The following ZC3H12B variants were observed in gnomAD, a reference collection of about 807,000 sequenced individuals.
ZC3H12B encodes the protein probable ribonuclease ZC3H12B.
Under a neutral mutation model 43.9 loss-of-function variants are expected in ZC3H12B, and 7 were observed. That is an observed-to-expected ratio of 0.16 (90% confidence interval 0.09 to 0.30). ZC3H12B has a LOEUF of 0.30. ZC3H12B is among the 10% of genes least tolerant of loss of function. ZC3H12B has a pLI of 1.00. For synonymous variants in ZC3H12B, 222 were observed against 241.7 expected, an observed-to-expected ratio of 0.92 and a Z score of 0.76; for missense variants, 475 against 670.2, an observed-to-expected ratio of 0.71 and a Z score of 3.22.
At chrX:65,043,961 C>T in the ZC3H12B span, among the ~76,000 whole-genome samples, 2 of 111,798 alleles carry the variant, frequency 1.8e-5, no homozygotes, top group East Asian at 5.6e-4. Flanking sequence ...TTGCTACATG[C>T]ACAGCCCTGT....
At chrX:65,495,939 T>A (rs2068272800) in intron 1 of ZC3H12B, among the ~76,000 whole-genome samples, 1 of 111,461 alleles carries the variant, frequency 9.0e-6, no homozygotes, top group African/African-American at 3.3e-5. Context: ...ATTCCTGGGC[T>A]CAAACAATTC....
chrX:65,419,767 C>G (rs1297110531), intron 3 of ZC3H12B, among the ~76,000 whole-genome samples: 1 of 110,352 alleles, frequency 9.1e-6, no homozygotes, highest in Non-Finnish European at 1.9e-5. Flanking sequence ...GATCTAGCTT[C>G]CAGGATAGCC....
chrX:65,129,935 G>GGTC, the ZC3H12B span, among the ~76,000 whole-genome samples: 33 of 111,056 alleles, frequency 3.0e-4, no homozygotes, highest in East Asian at 4.6e-3. Flanking sequence ...TATTGGTGAT[G>GGTC]GTCTGGATAT....
At chrX:65,400,816 T>C (rs1173947967) in intron 3 of ZC3H12B, among the ~76,000 whole-genome samples, 1 of 111,847 alleles carries the variant, frequency 8.9e-6, no homozygotes, top group African/African-American at 3.3e-5. Context: ...GATAATAATC[T>C]CTACCTGGTG....
upstream of ZC3H12B, among the ~76,000 whole-genome samples, chrX:65,364,371 C>G (rs1208020611): frequency 9.5e-6 from 1 of 104,962 alleles, no homozygotes; most frequent in Non-Finnish European, 1.9e-5. Context: ...TCATTAGTAT[C>G]TCTTTAATAA....
At chrX:65,449,042 G>GGAAGGAAA (rs1165039305) in intron 3 of ZC3H12B, among the ~76,000 whole-genome samples, 2 of 84,726 alleles carry the variant, frequency 2.4e-5, no homozygotes, top group African/African-American at 5.2e-5. Context: ...AAAGAAAGAA[G>GGAAGGAAA]GAAGGAAAGA....
the ZC3H12B span, among the ~76,000 whole-genome samples, chrX:65,056,198 A>G: frequency 2.3e-4 from 26 of 110,834 alleles, no homozygotes; most frequent in African/African-American, 9.9e-5. Context: ...TCAATTTTAG[A>G]TCTTTCCTGC....
chrX:65,096,610 A>G, the ZC3H12B span, among the ~76,000 whole-genome samples: 1 of 111,575 alleles, frequency 9.0e-6, no homozygotes, highest in Non-Finnish European at 1.9e-5. Context: ...ACTGAAAAGC[A>G]AAAAGAAGAA....
At chrX:65,096,226 T>TGGGGGGGGGGGGG in the ZC3H12B span, among the ~76,000 whole-genome samples, 1 of 29,684 alleles carries the variant, frequency 3.4e-5, no homozygotes, top group Non-Finnish European at 6.1e-5. Context: ...GGAGATGGGG[T>TGGGGGGGGGGGGG]GGGGGGAGGG....
At chrX:65,217,029 G>A in the ZC3H12B span, among the ~76,000 whole-genome samples, 2 of 111,496 alleles carry the variant, frequency 1.8e-5, no homozygotes, top group South Asian at 3.7e-4. Context: ...GAGCAACCCA[G>A]AGCAGTACCA....
chrX:65,437,033 G>A (rs1400608226), intron 3 of ZC3H12B, among the ~76,000 whole-genome samples: 1 of 110,130 alleles, frequency 9.1e-6, no homozygotes, highest in Non-Finnish European at 1.9e-5. Context: ...GCTCACTGCA[G>A]CCTCCACCTT....
At chrX:65,253,017 T>C in the ZC3H12B span, among the ~76,000 whole-genome samples, 1 of 112,304 alleles carries the variant, frequency 8.9e-6, no homozygotes, top group Admixed American at 9.4e-5. Context: ...ATTTTAATTT[T>C]TGTAGCAAGA....
chrX:65,265,856 G>T, the ZC3H12B span, among the ~76,000 whole-genome samples: 24 of 111,572 alleles, frequency 2.2e-4, no homozygotes, highest in Non-Finnish European at 5.7e-5. Flanking sequence ...TCAGATATTG[G>T]ACAACCAGCA....
intron 2 of ZC3H12B, among the ~76,000 whole-genome samples, chrX:65,386,556 G>A (rs2148020575): frequency 9.1e-6 from 1 of 110,300 alleles, no homozygotes; most frequent in East Asian, 2.8e-4. Flanking sequence ...TTTTAGTCTT[G>A]CTAGCAGTCT....
the ZC3H12B span, among the ~76,000 whole-genome samples, chrX:65,139,095 C>T: frequency 2.7e-5 from 3 of 112,240 alleles, no homozygotes; most frequent in African/African-American, 9.7e-5. Context: ...TTTAGTTTGA[C>T]ATAGTTTCAT....
the ZC3H12B span, among the ~76,000 whole-genome samples, chrX:65,190,831 C>G: frequency 2.8e-5 from 3 of 105,399 alleles, no homozygotes; most frequent in East Asian, 8.9e-4. Flanking sequence ...ACTTCCAACA[C>G]TATGTTGAAT....
the ZC3H12B span, among the ~76,000 whole-genome samples, chrX:65,127,404 G>T: frequency 8.9e-6 from 1 of 111,999 alleles, no homozygotes; most frequent in Non-Finnish European, 1.9e-5. Context: ...AGTGGAGGTA[G>T]CAGGAGAGTG....
In ZC3H12B at chrX:65,373,971, G is replaced by GTATATATATATAGT. The variant is rs1556058082; in HGVS notation, n.295+4985_295+4986insGTTATATATATATA. 1.8e-3 allele frequency among the ~76,000 whole-genome samples: 73 copies of GTATATATATATAGT among 41,333 alleles called. 3 individuals carry two copies. The highest frequency in any genetic ancestry group is 0.017 in the African/African-American group (71 of 4,165). The allele number at this position is 41,333 out of a possible 115,157, so 35.9% of individuals were successfully genotyped here. On this transcript the variant is annotated intron_variant and non_coding_transcript_variant, in intron 2 of 5. Transcript: ENST00000617377. ...GTTATATATATATACTGTATATATA[G>GTATATATATATAGT]TATATATATATACTATATATATATA...
At chrX:65,262,616 G>A in the ZC3H12B span, among the ~76,000 whole-genome samples, 1 of 110,338 alleles carries the variant, frequency 9.1e-6, no homozygotes, top group Admixed American at 9.7e-5. Context: ...AAACTATGTA[G>A]GTTTTTTTAA....
Sources: allele counts gnomAD v4.1 joint callset (sites outside exome capture counted in the v4.1 genomes callset), GRCh38; gene constraint gnomAD v4.1.1; transcripts MANE v1.5; gene names NCBI Gene and HGNC (gene_info 2026-07-23, HGNC 2026-07-21).